Variants in NUP210L observed in about 807,000 individuals in gnomAD.
NUP210L encodes nuclear pore membrane glycoprotein 210-like.
In NUP210L, 74 loss-of-function variants were observed where a neutral mutation model predicts 208.5. That is an observed-to-expected ratio of 0.35 (90% CI 0.29 to 0.43). The LOEUF is 0.43. Among genes scored for constraint, NUP210L ranks in the 20% least tolerant of loss-of-function variants. The pLI, the probability that NUP210L is intolerant of heterozygous loss-of-function variation, is 1.00. For synonymous variants in NUP210L, 780 were observed against 816.9 expected, an observed-to-expected ratio of 0.95 and a Z score of 0.77; for missense variants, 1,843 against 2,289.4, an observed-to-expected ratio of 0.81 and a Z score of 3.98.
intron 35 of NUP210L, among the ~76,000 whole-genome samples, chr1:154,008,720 A>AC (rs1241881513): frequency 6.6e-6 from 1 of 150,634 alleles, no homozygotes; most frequent in Admixed American, 6.8e-5. Context: ...ACAAAACAAA[A>AC]CAAAAAAACA....
intron 16 of NUP210L, among the ~76,000 whole-genome samples, chr1:154,084,100 C>T (rs530646901): frequency 5.2e-5 from 7 of 134,040 alleles, no homozygotes; most frequent in Admixed American, 8.6e-5. Flanking sequence ...AGTGCAGTGG[C>T]GCAATCTTGG....
chr1:154,020,263 ACTTGGATGTACACAT>A (rs1651480645), intron 32 of NUP210L, among the ~76,000 whole-genome samples: 1 of 152,278 alleles, frequency 6.6e-6, no homozygotes, highest in Non-Finnish European at 1.5e-5. Flanking sequence ...AGCAGTTCTT[ACTTGGATGTACACAT>A]CCAGGCAGTG....
chr1:154,130,480 C>T (rs192674485), intron 7 of NUP210L, among the ~76,000 whole-genome samples: 5 of 152,018 alleles, frequency 3.3e-5, no homozygotes, highest in Admixed American at 3.3e-4. Context: ...GCCATGTTGG[C>T]CAGGCTGGTC....
chr1:154,047,170 A>G (rs942311187), intron 25 of NUP210L, among the ~76,000 whole-genome samples: 1 of 152,190 alleles, frequency 6.6e-6, no homozygotes, highest in Non-Finnish European at 1.5e-5. Context: ...AGAATGAAAA[A>G]GGGCTAGTAT....
chr1:154,122,727 T>A (rs755669065), intron 10 of NUP210L, among the ~76,000 whole-genome samples: 4 of 151,982 alleles, frequency 2.6e-5, no homozygotes, highest in Non-Finnish European at 5.9e-5. Flanking sequence ...ACAATGCTGG[T>A]GGAATGTAAC....
At chr1:154,050,015 T>C (rs1013117041) in intron 25 of NUP210L, among the ~76,000 whole-genome samples, 3 of 152,214 alleles carry the variant, frequency 2.0e-5, no homozygotes, top group African/African-American at 4.8e-5. Context: ...ATTCCTTATA[T>C]GGACGATATA....
chr1:154,109,304 T>G, intron 12 of NUP210L, among the ~76,000 whole-genome samples: 1 of 151,518 alleles, frequency 6.6e-6, no homozygotes, highest in East Asian at 1.9e-4. Context: ...AGAAGGCCAT[T>G]ATGTAATGAT....
At chr1:154,123,890 AAG>A (rs1232050536) in intron 10 of NUP210L, among the ~76,000 whole-genome samples, 2 of 150,446 alleles carry the variant, frequency 1.3e-5, no homozygotes, top group African/African-American at 4.9e-5. Flanking sequence ...AAAAAAAAAA[AAG>A]AGAGAGAGAG....
chr1:154,039,191 G>T (rs1049208286), intron 27 of NUP210L, among the ~76,000 whole-genome samples: 1 of 150,856 alleles, frequency 6.6e-6, no homozygotes, highest in African/African-American at 2.4e-5. Flanking sequence ...TGTAGGACAG[G>T]TCTGGTATTG....
intron 16 of NUP210L, among the ~76,000 whole-genome samples, chr1:154,073,769 T>C (rs1170282327): frequency 6.6e-6 from 1 of 151,226 alleles, no homozygotes; most frequent in African/African-American, 2.4e-5. Context: ...GAGCCGAGAA[T>C]GGACCACTGC....
chr1:154,148,194 G>A (rs1190995738), intron 2 of NUP210L, among the ~76,000 whole-genome samples: 1 of 151,658 alleles, frequency 6.6e-6, no homozygotes, highest in Non-Finnish European at 1.5e-5. Context: ...TTGAACCCGG[G>A]AGACGGAGGT....
intron 33 of NUP210L, 151 bp downstream of exon 33, chr1:154,018,782 T>C (rs1450354704): frequency 1.2e-5 from 10 of 814,080 alleles, no homozygotes; most frequent in Non-Finnish European, 1.9e-5. Context: ...CTGAACACTG[T>C]TTAGCTTTGT....
At chr1:154,133,323 A>G (rs1403477953) in intron 7 of NUP210L, among the ~76,000 whole-genome samples, 2 of 152,102 alleles carry the variant, frequency 1.3e-5, no homozygotes, top group Admixed American at 1.3e-4. Context: ...TGGGAGGCCT[A>G]GGCAGGAGGT....
At chr1:154,081,569 G>C (rs79719429) in intron 16 of NUP210L, among the ~76,000 whole-genome samples, 1,710 of 152,310 alleles carry the variant, frequency 0.011, 38 homozygotes, top group African/African-American at 0.039. Flanking sequence ...TTTGGGTCAG[G>C]TGATAGCAGC....
chr1:154,061,087 C>T (rs1427509842), intron 18 of NUP210L, 41 bp from the exon 19 acceptor site: 3 of 1,450,072 alleles, frequency 2.1e-6, no homozygotes, highest in Admixed American at 3.4e-5. Flanking sequence ...ATATAAACAT[C>T]TAATTCTTGG....
At chr1:154,022,040 ATTAATAACTGCTTTTTTTT>A (rs1651596599) in intron 32 of NUP210L, 67 bp downstream of exon 32, 2 of 1,235,384 alleles carry the variant, frequency 1.6e-6, no homozygotes, top group Non-Finnish European at 2.4e-6. Context: ...AGTCCAAGGG[ATTAATAACTGCTTTTTTTT>A]TTAATAACTG....
rs1242438617 is a variant in NUP210L at position 154,152,508 on chromosome 1, C to G, written c.340+228G>C. Among the ~76,000 whole-genome samples, 4 of 146,248 alleles carry G rather than the reference C, an allele frequency of 2.7e-5. No homozygotes were observed. In the East Asian group the frequency reaches 8.0e-4, roughly 29 times the overall value. ...TTTTTTTTTTTGTAGAGATAGGTCT[C>G]ACTCTGTTACCCAGACTGTTCTTAA... is the stretch of plus-strand genomic sequence containing the variant. On this transcript the variant is annotated intron_variant, in intron 2 of 39. Transcript: ENST00000368559.
chr1:154,089,864 A>G (rs1439256541), intron 15 of NUP210L, among the ~76,000 whole-genome samples: 1 of 151,980 alleles, frequency 6.6e-6, no homozygotes, highest in East Asian at 1.9e-4. Context: ...CTTTGGGAGG[A>G]TCACTTGAGC....
At chr1:154,154,705 A>C (rs1571340023) in intron 1 of NUP210L, 137 bp downstream of exon 1, 1 of 686,536 alleles carries the variant, frequency 1.5e-6, no homozygotes, top group East Asian at 2.7e-5. Context: ...CACTGACACC[A>C]CACTCTCCTC....
Sources: gnomAD v4.1 joint callset for allele counts (sites outside exome capture counted in the v4.1 genomes callset) on GRCh38, gnomAD v4.1.1 for gene constraint, MANE v1.5 for transcripts, NCBI Gene and HGNC (gene_info 2026-07-23, HGNC 2026-07-21) for gene names.